Variants in RALGAPA2 observed in about 807,000 individuals in gnomAD.
RALGAPA2 encodes Ral GTPase activating protein catalytic subunit alpha 2.
Under a neutral mutation model 230.4 loss-of-function variants are expected in RALGAPA2, and 139 were observed. The observed-to-expected ratio is 0.60, with a 90% CI of 0.53 to 0.69. RALGAPA2 has a LOEUF of 0.69. Among genes scored for constraint, RALGAPA2 ranks in the 30% least tolerant of loss-of-function variants. The pLI is 0.00. For missense variants in RALGAPA2, 2,163 were observed against 2,276.0 expected (o/e 0.95, Z 1.01); for synonymous variants, 847 against 837.8 (o/e 1.01, Z -0.19).
intron 37 of RALGAPA2, among the ~76,000 whole-genome samples, chr20:20,455,042 T>C (rs1482251634): frequency 6.6e-6 from 1 of 152,304 alleles, no homozygotes; most frequent in East Asian, 1.9e-4. Context: ...CATGTCCATT[T>C]CCCTGAATCA....
intron 36 of RALGAPA2, among the ~76,000 whole-genome samples, chr20:20,492,633 C>A (rs1015876423): frequency 6.6e-6 from 1 of 152,162 alleles, no homozygotes; most frequent in African/African-American, 2.4e-5. Flanking sequence ...TCCCAGGGAG[C>A]CCGCAGCATG....
chr20:20,637,988 T>C (rs561350867), intron 7 of RALGAPA2, among the ~76,000 whole-genome samples: 45 of 152,230 alleles, frequency 3.0e-4, no homozygotes, highest in Non-Finnish European at 5.7e-4. Flanking sequence ...CATGGAATCT[T>C]GGAAAATGCA....
At chr20:20,551,541 G>A (rs974996565) in intron 23 of RALGAPA2, among the ~76,000 whole-genome samples, 2 of 152,188 alleles carry the variant, frequency 1.3e-5, no homozygotes, top group Non-Finnish European at 2.9e-5. Context: ...GAAAGTAACT[G>A]GTGAGAACAT....
intron 32 of RALGAPA2, among the ~76,000 whole-genome samples, 185 bp downstream of exon 32, chr20:20,512,328 C>G (rs2062737686): frequency 6.6e-6 from 1 of 151,990 alleles, no homozygotes; most frequent in African/African-American, 2.4e-5. Flanking sequence ...CACACCAGTA[C>G]AGCATAATTT....
intron 35 of RALGAPA2, among the ~76,000 whole-genome samples, chr20:20,499,594 G>A (rs979348395): frequency 2.6e-5 from 4 of 152,180 alleles, no homozygotes; most frequent in Admixed American, 1.3e-4. Flanking sequence ...ACAGCCAGGG[G>A]CAGCCATCAA....
chr20:20,540,492 C>T (rs2063614896), intron 24 of RALGAPA2, among the ~76,000 whole-genome samples: 1 of 152,182 alleles, frequency 6.6e-6, no homozygotes, highest in Non-Finnish European at 1.5e-5. Flanking sequence ...ACTCATGTCT[C>T]TTTTACTGTA....
intron 37 of RALGAPA2, among the ~76,000 whole-genome samples, chr20:20,420,809 A>T (rs947750507): frequency 6.6e-6 from 1 of 152,210 alleles, no homozygotes; most frequent in African/African-American, 2.4e-5. Flanking sequence ...ATGCGTTTTA[A>T]ACCTAGTAAA....
intron 36 of RALGAPA2, among the ~76,000 whole-genome samples, chr20:20,485,848 A>G (rs2061896392): frequency 6.6e-6 from 1 of 152,188 alleles, no homozygotes; most frequent in Non-Finnish European, 1.5e-5. Flanking sequence ...TCAATTAAGA[A>G]TAAGAAAAGG....
rs191050984 is a variant in RALGAPA2 at position 20,605,445 on chromosome 20, C to T, written c.1801-33G>A. 71 of 1,465,226 alleles carry T rather than the reference C, an allele frequency of 4.8e-5. No individual in the cohort carries two copies. In the African/African-American group the frequency reaches 7.4e-4, roughly 15 times the overall value. 90.8% of individuals were successfully genotyped at this position (1,465,226 alleles called of 1,614,324 possible). On this transcript the variant is annotated intron_variant, in intron 14 of 39. Coordinates refer to ENST00000202677, the MANE Select transcript of RALGAPA2 (RefSeq NM_020343.4). ...CAACCAACCAACAAGAGAATTCACA[C>T]ATCTTCATTTGGAAAAAGCATACTT... is the stretch of plus-strand genomic sequence containing the variant.
At chr20:20,418,949 A>G (rs2060221638) in intron 37 of RALGAPA2, among the ~76,000 whole-genome samples, 1 of 152,154 alleles carries the variant, frequency 6.6e-6, no homozygotes, top group South Asian at 2.1e-4. Context: ...TATGTTGCCT[A>G]GGCTGGTCTT....
intron 21 of RALGAPA2, 38 bp from the exon 22 acceptor site, chr20:20,571,984 T>A: frequency 3.6e-6 from 5 of 1,399,054 alleles, no homozygotes; most frequent in Non-Finnish European, 5.0e-6. Context: ...GTAGGTAACA[T>A]TACGTTTATC....
At chr20:20,479,881 T>G (rs1414789875) in intron 36 of RALGAPA2, among the ~76,000 whole-genome samples, 1 of 152,218 alleles carries the variant, frequency 6.6e-6, no homozygotes, top group African/African-American at 2.4e-5. Context: ...ACATAATCTA[T>G]GGCAAATGGT....
chr20:20,701,459 C>T (rs73298829), intron 1 of RALGAPA2, among the ~76,000 whole-genome samples: 1,692 of 152,312 alleles, frequency 0.011, 31 homozygotes, highest in African/African-American at 0.039. Flanking sequence ...ATGGTGTGGG[C>T]CGGGCGCGGT....
chr20:20,673,046 G>A (rs1261027971), intron 3 of RALGAPA2, among the ~76,000 whole-genome samples: 1 of 151,932 alleles, frequency 6.6e-6, no homozygotes, highest in Non-Finnish European at 1.5e-5. Context: ...TTAGCTGGGT[G>A]TGGTGGCGGG....
intron 31 of RALGAPA2, among the ~76,000 whole-genome samples, chr20:20,515,813 G>T (rs924790408): frequency 1.4e-5 from 2 of 145,052 alleles, no homozygotes; most frequent in Non-Finnish European, 3.0e-5. Flanking sequence ...CTCGAGCAGG[G>T]ATAAACTCCT....
chr20:20,465,224 G>A (rs2061394681), intron 37 of RALGAPA2, among the ~76,000 whole-genome samples: 1 of 143,508 alleles, frequency 7.0e-6, no homozygotes, highest in African/African-American at 2.6e-5. Flanking sequence ...GACAGCAGCA[G>A]AATGGACACA....
At chr20:20,399,712 C>T (rs895889934) in intron 38 of RALGAPA2, among the ~76,000 whole-genome samples, 7 of 152,214 alleles carry the variant, frequency 4.6e-5, no homozygotes, top group East Asian at 1.9e-4. Flanking sequence ...TGTGCGGCTC[C>T]GCCTAGCAGA....
chr20:20,449,496 G>A (rs951456680), intron 37 of RALGAPA2, among the ~76,000 whole-genome samples: 1 of 152,202 alleles, frequency 6.6e-6, no homozygotes, highest in South Asian at 2.1e-4. Flanking sequence ...AAAAACAGAT[G>A]CAAAATGTCA....
At chr20:20,533,485 A>C (rs543896453) in intron 26 of RALGAPA2, among the ~76,000 whole-genome samples, 65 of 152,318 alleles carry the variant, frequency 4.3e-4, no homozygotes, top group African/African-American at 1.5e-3. Context: ...ATAGCCTCAA[A>C]ATATATAAAG....
Sources: gnomAD v4.1 joint callset for allele counts (sites outside exome capture counted in the v4.1 genomes callset) on GRCh38, gnomAD v4.1.1 for gene constraint, MANE v1.5 for transcripts, NCBI Gene and HGNC (gene_info 2026-07-23, HGNC 2026-07-21) for gene names.